ABTB2: variants seen among roughly 807,000 people sequenced by gnomAD.
ABTB2 encodes the protein ankyrin repeat and BTB/POZ domain-containing protein 2.
In ABTB2, 56 loss-of-function variants were observed where a neutral mutation model predicts 104.1. That is an observed-to-expected ratio of 0.54 (90% CI 0.43 to 0.67). ABTB2 has a LOEUF of 0.67. Among genes scored for constraint, ABTB2 ranks in the 30% least tolerant of loss-of-function variants. The probability of loss-of-function intolerance (pLI) is 0.00; values close to 1 mark genes in which losing one functional copy is unlikely to be tolerated. For synonymous variants in ABTB2, 606 were observed against 608.2 expected, an observed-to-expected ratio of 1.00 and a Z score of 0.05; for missense variants, 1,279 against 1,407.7, an observed-to-expected ratio of 0.91 and a Z score of 1.46.
chr11:34,297,948 T>G (rs1019744164), intron 1 of ABTB2, among the ~76,000 whole-genome samples: 3 of 152,056 alleles, frequency 2.0e-5, no homozygotes, highest in Admixed American at 6.6e-5. Flanking sequence ...CATTGGGCTA[T>G]CCTGACTTTC....
At chr11:34,331,675 T>C (rs1855132440) in intron 1 of ABTB2, among the ~76,000 whole-genome samples, 2 of 152,218 alleles carry the variant, frequency 1.3e-5, no homozygotes, top group African/African-American at 4.8e-5. Context: ...AAGTCTTCAG[T>C]TGATAAATGA....
intron 1 of ABTB2, among the ~76,000 whole-genome samples, chr11:34,298,194 TG>T (rs1854650056): frequency 6.6e-6 from 1 of 152,166 alleles, no homozygotes; most frequent in African/African-American, 2.4e-5. Flanking sequence ...AGATCTCACT[TG>T]GTGAGTATGA....
chr11:34,251,581 A>G (rs1425884687), intron 1 of ABTB2, among the ~76,000 whole-genome samples: 1 of 152,198 alleles, frequency 6.6e-6, no homozygotes, highest in East Asian at 1.9e-4. Flanking sequence ...TCTCTGAGCT[A>G]TAAGAGAGTA....
At chr11:34,223,984 T>C (rs1590221595) in intron 1 of ABTB2, among the ~76,000 whole-genome samples, 1 of 152,182 alleles carries the variant, frequency 6.6e-6, no homozygotes, top group South Asian at 2.1e-4. Flanking sequence ...GCTGTGTTTG[T>C]GTCCACCCTG....
intron 3 of ABTB2, among the ~76,000 whole-genome samples, chr11:34,187,311 C>T (rs765500262): frequency 1.8e-4 from 27 of 152,200 alleles, no homozygotes; most frequent in Non-Finnish European, 3.4e-4. Flanking sequence ...AGGGACGTCA[C>T]CAACTTTAAA....
At chr11:34,312,251 T>G (rs1854865506) in intron 1 of ABTB2, among the ~76,000 whole-genome samples, 1 of 152,134 alleles carries the variant, frequency 6.6e-6, no homozygotes, top group Admixed American at 6.6e-5. Flanking sequence ...CAGATACCCC[T>G]AAATGGTCCC....
rs1294040047 is a variant in ABTB2 at position 34,293,226 on chromosome 11, G to C, written c.883+63475C>G. Among the ~76,000 whole-genome samples the C allele has an allele frequency of 3.3e-5, 5 of 152,116 alleles. No individual in the cohort carries two copies. In the South Asian group the frequency reaches 6.2e-4, roughly 19 times the overall value. ...ATCATGCCATTTACTGATGTCGAGGGGGGGCCCAGGGAGAGAAGCAGGGGA... is the reference window on the plus strand; with the variant it reads ...ATCATGCCATTTACTGATGTCGAGGCGGGGCCCAGGGAGAGAAGCAGGGGA... On this transcript the variant is annotated intron_variant, in intron 1 of 16. Transcript: ENST00000435224.
chr11:34,267,625 A>AC, intron 1 of ABTB2, among the ~76,000 whole-genome samples: 1 of 152,242 alleles, frequency 6.6e-6, no homozygotes, highest in East Asian at 1.9e-4. Flanking sequence ...AAAAGGAATC[A>AC]CCCTAGTGGG....
chr11:34,309,010 A>C (rs1854817498), intron 1 of ABTB2, among the ~76,000 whole-genome samples: 2 of 152,244 alleles, frequency 1.3e-5, no homozygotes, highest in Admixed American at 1.3e-4. Context: ...ACAAGGCATG[A>C]ATGTGCTGCA....
At chr11:34,331,089 G>A (rs1246543753) in intron 1 of ABTB2, among the ~76,000 whole-genome samples, 5 of 152,150 alleles carry the variant, frequency 3.3e-5, no homozygotes, top group African/African-American at 7.2e-5. Context: ...AGGGAGTTCT[G>A]GGTTTCAAAT....
chr11:34,274,044 C>T (rs927282486), intron 1 of ABTB2, among the ~76,000 whole-genome samples: 14 of 148,174 alleles, frequency 9.4e-5, no homozygotes, highest in Non-Finnish European at 1.9e-4. Context: ...CCCAGCTACT[C>T]GGGAGGCTGA....
At chr11:34,156,828 G>GTAAC (rs1393227171) in intron 14 of ABTB2, among the ~76,000 whole-genome samples, 1 of 152,140 alleles carries the variant, frequency 6.6e-6, no homozygotes, top group East Asian at 1.9e-4. Context: ...CCGGCTGTGA[G>GTAAC]TAACTTTTTA....
intron 1 of ABTB2, among the ~76,000 whole-genome samples, chr11:34,355,278 A>AAAC (rs1330117432): frequency 6.6e-6 from 1 of 152,196 alleles, no homozygotes; most frequent in Non-Finnish European, 1.5e-5. Flanking sequence ...ACAAACAAAC[A>AAAC]AACAACAACA....
intron 1 of ABTB2, among the ~76,000 whole-genome samples, chr11:34,229,134 A>AAAAAAAAG (rs537214230): frequency 1.4e-5 from 2 of 144,374 alleles, no homozygotes; most frequent in African/African-American, 5.1e-5. Context: ...AAAAAAAAAA[A>AAAAAAAAG]AGAGAAAAAA....
intron 3 of ABTB2, among the ~76,000 whole-genome samples, chr11:34,190,461 C>T (rs754430633): frequency 7.2e-5 from 11 of 152,136 alleles, no homozygotes; most frequent in South Asian, 2.1e-4. Context: ...TGTTTACTTC[C>T]GTCTTGCTTT....
chr11:34,293,905 T>C (rs762254221), intron 1 of ABTB2, among the ~76,000 whole-genome samples: 3 of 152,146 alleles, frequency 2.0e-5, no homozygotes, highest in Non-Finnish European at 4.4e-5. Flanking sequence ...TTTGTATTTT[T>C]AATAGAGACA....
intron 1 of ABTB2, among the ~76,000 whole-genome samples, chr11:34,268,902 C>A (rs1765345523): frequency 6.6e-6 from 1 of 152,194 alleles, no homozygotes; most frequent in African/African-American, 2.4e-5. Context: ...CCCACCCTAC[C>A]CAGTGGGGCC....
intron 1 of ABTB2, among the ~76,000 whole-genome samples, chr11:34,269,120 T>C (rs1052068367): frequency 6.6e-6 from 1 of 152,048 alleles, no homozygotes; most frequent in African/African-American, 2.4e-5. Flanking sequence ...GCCCCTGGGG[T>C]AGTGAACACG....
intron 1 of ABTB2, among the ~76,000 whole-genome samples, chr11:34,270,226 T>G (rs943965023): frequency 1.3e-5 from 2 of 152,202 alleles, no homozygotes; most frequent in African/African-American, 2.4e-5. Context: ...GAGGACTAGA[T>G]GTAACACTGG....
Sources: allele counts gnomAD v4.1 joint callset (sites outside exome capture counted in the v4.1 genomes callset), GRCh38; gene constraint gnomAD v4.1.1; transcripts MANE v1.5; gene names NCBI Gene and HGNC (gene_info 2026-07-23, HGNC 2026-07-21).